TUSC3: variants seen among roughly 807,000 people sequenced by gnomAD.
TUSC3 encodes dolichyl-diphosphooligosaccharide--protein glycosyltransferase subunit TUSC3.
In TUSC3, 45 loss-of-function variants were observed where a neutral mutation model predicts 44.8. The observed-to-expected ratio is 1.00, with a 90% CI of 0.79 to 1.29. TUSC3 has a LOEUF of 1.29. Among genes scored for constraint, TUSC3 ranks in the 50% most tolerant of loss-of-function variants. TUSC3 has a pLI of 0.00. For missense variants in TUSC3, 519 were observed against 437.9 expected, an observed-to-expected ratio of 1.19 and a Z score of -1.65; for synonymous variants, 212 against 152.9, an observed-to-expected ratio of 1.39 and a Z score of -2.85.
intron 1 of TUSC3, among the ~76,000 whole-genome samples, chr8:15,471,853 G>A (rs533104821): frequency 1.3e-5 from 2 of 152,040 alleles, no homozygotes; most frequent in African/African-American, 4.8e-5. Flanking sequence ...CCTGACCTCA[G>A]GTGATCCACC....
At chr8:15,553,144 C>A (rs78109449) in intron 1 of TUSC3, among the ~76,000 whole-genome samples, 66 of 151,646 alleles carry the variant, frequency 4.4e-4, no homozygotes, top group African/African-American at 1.6e-3. Context: ...TATGAGATGC[C>A]TGTGTGATAT....
intron 1 of TUSC3, among the ~76,000 whole-genome samples, chr8:15,470,010 C>G (rs554978441): frequency 6.6e-6 from 1 of 151,926 alleles, no homozygotes; most frequent in Admixed American, 6.6e-5. Flanking sequence ...AATCCCAGTA[C>G]TTTGGAAGGC....
intron 1 of TUSC3, among the ~76,000 whole-genome samples, chr8:15,441,300 A>C (rs1357760984): frequency 3.9e-5 from 6 of 152,126 alleles, no homozygotes; most frequent in African/African-American, 1.4e-4. Flanking sequence ...CCAGCTACTC[A>C]GGAGGCTGAG....
the TUSC3 span, among the ~76,000 whole-genome samples, chr8:15,799,566 G>A: frequency 6.6e-5 from 10 of 152,176 alleles, no homozygotes; most frequent in East Asian, 1.9e-4. Context: ...GTTTTTCCTC[G>A]TCAGTGGGCA....
intron 1 of TUSC3, among the ~76,000 whole-genome samples, chr8:15,482,881 C>T (rs558147785): frequency 6.6e-6 from 1 of 152,288 alleles, no homozygotes; most frequent in African/African-American, 2.4e-5. Context: ...TACATTTTCT[C>T]ATGTGTCCCA....
At chr8:15,827,505 A>T in the TUSC3 span, among the ~76,000 whole-genome samples, 3 of 152,146 alleles carry the variant, frequency 2.0e-5, no homozygotes, top group Non-Finnish European at 4.4e-5. Flanking sequence ...TATACAAATG[A>T]AACCTTATGG....
the TUSC3 span, among the ~76,000 whole-genome samples, chr8:15,851,381 A>G: frequency 6.6e-6 from 1 of 152,212 alleles, no homozygotes; most frequent in Admixed American, 6.5e-5. Context: ...ATTTTCCATA[A>G]AGTATAACGA....
At chr8:15,713,326 C>T (rs574583928) in intron 6 of TUSC3, among the ~76,000 whole-genome samples, 6 of 152,162 alleles carry the variant, frequency 3.9e-5, no homozygotes, top group African/African-American at 1.2e-4. Context: ...AATTTACATG[C>T]TTGTAAGCAT....
the TUSC3 span, chr8:15,806,830 T>C: frequency 7.4e-6 from 7 of 939,684 alleles, no homozygotes; most frequent in African/African-American, 6.5e-5. Context: ...TTCCTGTTCC[T>C]ACAAAGTAAA....
At chr8:15,473,020 C>T (rs1431608618) in intron 1 of TUSC3, among the ~76,000 whole-genome samples, 1 of 152,162 alleles carries the variant, frequency 6.6e-6, no homozygotes, top group Non-Finnish European at 1.5e-5. Flanking sequence ...CAAAGCCTAA[C>T]CCAGAATCCT....
chr8:15,673,888 T>C, intron 6 of TUSC3, 52 bp downstream of exon 6: 1 of 1,447,652 alleles, frequency 6.9e-7, no homozygotes, highest in Non-Finnish European at 9.7e-7. Context: ...CAGCTTAATT[T>C]AGGAATAAGA....
chr8:15,703,621 G>A (rs1473727171), intron 6 of TUSC3, among the ~76,000 whole-genome samples: 1 of 152,120 alleles, frequency 6.6e-6, no homozygotes, highest in Non-Finnish European at 1.5e-5. Context: ...TCTGGTGAGT[G>A]CCTCAAGCTG....
At chr8:15,650,992 C>CTT in intron 3 of TUSC3, 178 bp downstream of exon 3, 1 of 192,474 alleles carries the variant, frequency 5.2e-6, no homozygotes, top group Non-Finnish European at 1.1e-5. Flanking sequence ...TTTACACACA[C>CTT]ACACACACAC....
the TUSC3 span, among the ~76,000 whole-genome samples, chr8:15,811,776 A>G: frequency 6.6e-6 from 1 of 152,192 alleles, no homozygotes; most frequent in Non-Finnish European, 1.5e-5. Context: ...AGTAAAGGTT[A>G]AAAGAACCAT....
chr8:15,584,820 A>T (rs1187378337), intron 1 of TUSC3, among the ~76,000 whole-genome samples: 1 of 152,160 alleles, frequency 6.6e-6, no homozygotes, highest in Non-Finnish European at 1.5e-5. Context: ...GGGATCTTTT[A>T]TATGTACAGG....
chr8:15,814,860 A>C, the TUSC3 span, among the ~76,000 whole-genome samples: 4 of 152,172 alleles, frequency 2.6e-5, no homozygotes, highest in Non-Finnish European at 5.9e-5. Context: ...TCAAGTATAT[A>C]AATGTTGATT....
chr8:15,724,166 C>T (rs1231656723), intron 6 of TUSC3, among the ~76,000 whole-genome samples: 1 of 152,122 alleles, frequency 6.6e-6, no homozygotes, highest in East Asian at 1.9e-4. Context: ...CAGTGAGAAG[C>T]TGGCTGTCTT....
chr8:15,645,530 G>A (rs980538248), intron 2 of TUSC3, among the ~76,000 whole-genome samples: 3 of 151,842 alleles, frequency 2.0e-5, no homozygotes, highest in Non-Finnish European at 2.9e-5. Context: ...TTTAAAATAT[G>A]TATACCTTAT....
chr8:15,470,352 G>T (rs546056234), intron 1 of TUSC3, among the ~76,000 whole-genome samples: 1 of 151,688 alleles, frequency 6.6e-6, no homozygotes, highest in Non-Finnish European at 1.5e-5. Flanking sequence ...TACAACTAAC[G>T]TTCATGATAT....
Sources: gnomAD v4.1 joint callset for allele counts (sites outside exome capture counted in the v4.1 genomes callset) on GRCh38, gnomAD v4.1.1 for gene constraint, MANE v1.5 for transcripts, NCBI Gene and HGNC (gene_info 2026-07-23, HGNC 2026-07-21) for gene names.